The following TENM3 variants were observed in gnomAD, a reference collection of about 807,000 sequenced individuals.
TENM3 encodes teneurin-3.
A neutral mutation model predicts 255.1 loss-of-function variants in TENM3; 63 were observed. The ratio of observed to expected loss-of-function variants is 0.25; its 90% confidence interval spans 0.20 to 0.30. The LOEUF (loss-of-function observed/expected upper bound fraction) is 0.30, where lower values mean the gene tolerates loss of function less well. TENM3 is among the 10% of genes least tolerant of loss of function. The pLI is 1.00. For missense variants in TENM3, 2,929 were observed against 3,461.1 expected (o/e 0.85, Z 3.86); for synonymous variants, 1,306 against 1,322.3 (o/e 0.99, Z 0.27).
the TENM3 span, among the ~76,000 whole-genome samples, chr4:181,829,226 C>T: frequency 2.0e-5 from 3 of 152,180 alleles, no homozygotes; most frequent in African/African-American, 7.2e-5. Context: ...AACAAACAGC[C>T]ACACTGGATG....
chr4:182,330,764 G>A (rs890665155), intron 2 of TENM3, among the ~76,000 whole-genome samples: 1 of 152,216 alleles, frequency 6.6e-6, no homozygotes, highest in African/African-American at 2.4e-5. Context: ...ACTCTACAGT[G>A]TATATAGTTA....
At chr4:181,905,221 T>G in the TENM3 span, among the ~76,000 whole-genome samples, 1 of 152,200 alleles carries the variant, frequency 6.6e-6, no homozygotes, top group Non-Finnish European at 1.5e-5. Flanking sequence ...CTGGCATAAT[T>G]ATATATATTT....
chr4:182,316,450 G>T (rs528531442), intron 1 of TENM3, among the ~76,000 whole-genome samples: 2 of 152,034 alleles, frequency 1.3e-5, no homozygotes, highest in South Asian at 4.2e-4. Flanking sequence ...TGATTCAGTG[G>T]TCCTTTAGAG....
intron 1 of TENM3, among the ~76,000 whole-genome samples, chr4:182,200,977 A>G (rs1490891884): frequency 6.6e-6 from 1 of 151,944 alleles, no homozygotes; most frequent in Non-Finnish European, 1.5e-5. Context: ...GGCATACACC[A>G]CCACGCCCAG....
the TENM3 span, among the ~76,000 whole-genome samples, chr4:181,592,127 A>G: frequency 6.6e-6 from 1 of 152,154 alleles, no homozygotes; most frequent in Non-Finnish European, 1.5e-5. Flanking sequence ...GGTGGTGGAT[A>G]TGTTCACTAT....
the TENM3 span, among the ~76,000 whole-genome samples, chr4:181,654,754 CA>C: frequency 0.012 from 1,123 of 92,976 alleles, 15 homozygotes; most frequent in East Asian, 0.051. Context: ...AACTCCATCT[CA>C]AAAAAAAAAA....
At chr4:182,685,856 T>C (rs1170679953) in intron 11 of TENM3, among the ~76,000 whole-genome samples, 3 of 152,118 alleles carry the variant, frequency 2.0e-5, no homozygotes, top group South Asian at 2.1e-4. Context: ...TTATAAAGGG[T>C]AGTTTGTAAC....
At chr4:182,441,025 T>C (rs1040757400) in intron 3 of TENM3, among the ~76,000 whole-genome samples, 2 of 152,190 alleles carry the variant, frequency 1.3e-5, no homozygotes, top group South Asian at 4.1e-4. Context: ...AACATTGTAA[T>C]GTATTACTTG....
chr4:182,555,848 C>T (rs943699221), intron 3 of TENM3, among the ~76,000 whole-genome samples: 3 of 150,526 alleles, frequency 2.0e-5, no homozygotes, highest in Non-Finnish European at 4.4e-5. Flanking sequence ...TTTTTTTCTA[C>T]GAACACTTAA....
chr4:181,474,739 C>A, the TENM3 span, among the ~76,000 whole-genome samples: 471 of 136,892 alleles, frequency 3.4e-3, no homozygotes, highest in Non-Finnish European at 3.8e-3. Context: ...CGTCTCAAAA[C>A]AAAAAAAAAA....
At chr4:182,444,171 A>G (rs559408006) in intron 3 of TENM3, among the ~76,000 whole-genome samples, 37 of 152,306 alleles carry the variant, frequency 2.4e-4, no homozygotes, top group African/African-American at 8.9e-4. Context: ...TTCTGTTCCA[A>G]TGTAAATGAT....
chr4:181,786,777 G>T, the TENM3 span, among the ~76,000 whole-genome samples: 2 of 151,946 alleles, frequency 1.3e-5, no homozygotes, highest in African/African-American at 2.4e-5. Flanking sequence ...AGCACTTGGT[G>T]GGGGACAAGG....
At chr4:182,138,692 T>G in the TENM3 span, among the ~76,000 whole-genome samples, 1 of 152,234 alleles carries the variant, frequency 6.6e-6, no homozygotes, top group East Asian at 1.9e-4. Flanking sequence ...TATAAAAACA[T>G]GAGTATCTAC....
the TENM3 span, among the ~76,000 whole-genome samples, chr4:182,036,008 C>T: frequency 6.6e-6 from 1 of 152,192 alleles, no homozygotes; most frequent in Non-Finnish European, 1.5e-5. Flanking sequence ...GCTCTCCCTT[C>T]CTTCTGGAAG....
chr4:182,547,680 A>G (rs951056169), intron 3 of TENM3, among the ~76,000 whole-genome samples: 1 of 152,108 alleles, frequency 6.6e-6, no homozygotes, highest in African/African-American at 2.4e-5. Context: ...TTTCCATTTG[A>G]GTCCAGCCCT....
At chr4:182,730,793 A>C (rs1022843354) in intron 15 of TENM3, 85 bp from the exon 16 acceptor site, 1 of 1,420,684 alleles carries the variant, frequency 7.0e-7, no homozygotes, top group Non-Finnish European at 9.5e-7. Context: ...GATTTTCTTT[A>C]TAAAGCATAT....
chr4:181,663,108 A>AT, the TENM3 span, among the ~76,000 whole-genome samples: 5 of 152,018 alleles, frequency 3.3e-5, no homozygotes, highest in African/African-American at 7.3e-5. Context: ...TTAAAAATCT[A>AT]TTTTTTTCTG....
At chr4:181,972,548 A>G in the TENM3 span, among the ~76,000 whole-genome samples, 3 of 152,202 alleles carry the variant, frequency 2.0e-5, no homozygotes, top group Non-Finnish European at 4.4e-5. Context: ...AAGATCCTAA[A>G]GAAGATGGCT....
rs924091117 is a variant in TENM3 at position 182,789,828 on chromosome 4, G to A, written c.5601+439G>A. 6.6e-5 allele frequency among the ~76,000 whole-genome samples: 10 copies of A among 152,148 alleles called. No individual in the cohort carries two copies. The highest frequency in any genetic ancestry group is 6.5e-4 in the Admixed American group (10 of 15,274). Reference sequence around the variant, plus strand: ...TCAACATAATCATAAAAAGCATGTAGATCCTAGTTACGCATTATTAACCAA... The same window carrying A: ...TCAACATAATCATAAAAAGCATGTAAATCCTAGTTACGCATTATTAACCAA... On this transcript the variant is annotated intron_variant, in intron 25 of 27. Transcript: ENST00000511685. This position sits in a 1 kb window ranked among gnomAD's most constrained non-coding sequence, Gnocchi z 4.4.
Sources: gnomAD v4.1 joint callset for allele counts (sites outside exome capture counted in the v4.1 genomes callset) on GRCh38, gnomAD v4.1.1 for gene constraint, Gnocchi (gnomAD v3.1) non-coding constraint, MANE v1.5 for transcripts, NCBI Gene and HGNC (gene_info 2026-07-23, HGNC 2026-07-21) for gene names.